ZFAT: variants seen among roughly 807,000 people sequenced by gnomAD.
ZFAT encodes the protein zinc finger protein ZFAT.
A neutral mutation model predicts 117.7 loss-of-function variants in ZFAT; 64 were observed. The observed-to-expected ratio is 0.54, with a 90% CI of 0.44 to 0.67. The LOEUF is 0.67. Among genes scored for constraint, ZFAT ranks in the 30% least tolerant of loss-of-function variants. The pLI, the probability that ZFAT is intolerant of heterozygous loss-of-function variation, is 0.00. For synonymous variants in ZFAT, 679 were observed against 615.0 expected (o/e 1.10, Z -1.54); for missense variants, 1,433 against 1,584.5 (o/e 0.90, Z 1.62).
chr8:134,791,772 T>G, the ZFAT span, among the ~76,000 whole-genome samples: 1 of 151,782 alleles, frequency 6.6e-6, no homozygotes, highest in Non-Finnish European at 1.5e-5. Flanking sequence ...GCAAAAAAAC[T>G]ATGTTTCTCA....
chr8:134,799,673 C>T, the ZFAT span, among the ~76,000 whole-genome samples: 170 of 152,214 alleles, frequency 1.1e-3, no homozygotes, highest in African/African-American at 3.8e-3. Context: ...AGTAACATAG[C>T]GAAGTAACTC....
chr8:134,785,377 A>C, the ZFAT span: 1 of 152,140 alleles, frequency 6.6e-6, no homozygotes, highest in Non-Finnish European at 1.5e-5. Context: ...TAATATAGTC[A>C]GATGTGTGAC....
At chr8:134,583,327 A>G (rs945277431) in intron 10 of ZFAT, among the ~76,000 whole-genome samples, 6 of 152,220 alleles carry the variant, frequency 3.9e-5, no homozygotes, top group African/African-American at 1.4e-4. Context: ...TAATGAATGA[A>G]TGAAATTAGA....
chr8:134,583,511 C>T (rs1825855270), intron 10 of ZFAT, among the ~76,000 whole-genome samples: 1 of 152,096 alleles, frequency 6.6e-6, no homozygotes, highest in African/African-American at 2.4e-5. Context: ...TGATGGAGGG[C>T]TAAAAAGGAT....
upstream of ZFAT, among the ~76,000 whole-genome samples, chr8:134,713,667 G>T (rs1454637341): frequency 6.6e-6 from 1 of 152,092 alleles, no homozygotes; most frequent in African/African-American, 2.4e-5. Flanking sequence ...CTCTGCTTGT[G>T]GCACAGCCTT....
At chr8:134,619,407 C>T (rs888261099) in intron 3 of ZFAT, among the ~76,000 whole-genome samples, 1 of 152,126 alleles carries the variant, frequency 6.6e-6, no homozygotes, top group African/African-American at 2.4e-5. Context: ...GGACCACCAG[C>T]AACTGTGGTC....
chr8:134,511,603 C>T (rs892761412), intron 14 of ZFAT, among the ~76,000 whole-genome samples: 9 of 152,188 alleles, frequency 5.9e-5, no homozygotes, highest in African/African-American at 1.9e-4. Flanking sequence ...TTCCTATCAC[C>T]GTTTCATTTC....
intron 1 of ZFAT, among the ~76,000 whole-genome samples, chr8:134,681,582 AT>A (rs1396137172): frequency 6.6e-6 from 1 of 152,222 alleles, no homozygotes; most frequent in Non-Finnish European, 1.5e-5. Flanking sequence ...AAAGCTCTAG[AT>A]TAAACATCTC....
At chr8:134,763,757 G>A in the ZFAT span, among the ~76,000 whole-genome samples, 1 of 152,120 alleles carries the variant, frequency 6.6e-6, no homozygotes, top group Admixed American at 6.5e-5. Context: ...GCAACTATCC[G>A]AGTCAGGTAT....
chr8:134,541,939 C>A (rs1049521214), intron 11 of ZFAT, among the ~76,000 whole-genome samples: 1 of 152,212 alleles, frequency 6.6e-6, no homozygotes, highest in African/African-American at 2.4e-5. Flanking sequence ...ATCCTTTTAC[C>A]TCATTCACCA....
At chr8:134,766,662 C>G in the ZFAT span, 2 of 152,204 alleles carry the variant, frequency 1.3e-5, no homozygotes, top group Non-Finnish European at 2.9e-5. Context: ...TGTACAACTA[C>G]TTTTATAGAA....
rs1472760798 is a variant in ZFAT, at chr8:134,512,612, A to G, written c.3235-11T>C. The G allele has an allele frequency of 3.7e-6, 6 of 1,612,040 alleles. No individual in the cohort carries two copies. The South Asian group carries it at 6.6e-5, about 18-fold the overall frequency. ...AGCTTCTGTTGCTGTCTAAATAAAA[A>G]CATAGTACCTAAGTCATCTCCTAAA... On this transcript the variant is annotated splice_polypyrimidine_tract_variant and intron_variant, in intron 13 of 15. Coordinates refer to ENST00000377838, the MANE Select transcript of ZFAT (RefSeq NM_020863.4).
At chr8:134,531,456 G>A (rs953145706) in intron 12 of ZFAT, among the ~76,000 whole-genome samples, 28 of 152,118 alleles carry the variant, frequency 1.8e-4, no homozygotes, top group African/African-American at 6.5e-4. Context: ...TAGATGTTCC[G>A]AAAAAAATAT....
intron 13 of ZFAT, among the ~76,000 whole-genome samples, chr8:134,515,267 T>C (rs868773203): frequency 6.6e-6 from 1 of 152,250 alleles, no homozygotes; most frequent in Non-Finnish European, 1.5e-5. Flanking sequence ...GCAATAAACA[T>C]ACGTGTGTGC....
intron 15 of ZFAT, among the ~76,000 whole-genome samples, chr8:134,503,683 C>T (rs751216230): frequency 5.3e-5 from 8 of 152,174 alleles, no homozygotes; most frequent in Non-Finnish European, 1.2e-4. Flanking sequence ...AGGTGACCCT[C>T]CCCTTTTGAA....
At chr8:134,759,555 T>C in the ZFAT span, among the ~76,000 whole-genome samples, 1 of 151,680 alleles carries the variant, frequency 6.6e-6, no homozygotes, top group African/African-American at 2.4e-5. Flanking sequence ...TGAAAGAGAG[T>C]TGTGGTTTAG....
At chr8:134,696,848 T>C (rs1394973261) in intron 1 of ZFAT, among the ~76,000 whole-genome samples, 4 of 152,170 alleles carry the variant, frequency 2.6e-5, no homozygotes, top group Non-Finnish European at 5.9e-5. Context: ...CTAGAAAAAC[T>C]TGGACTCTAC....
rs151269542 is a variant in ZFAT at position 134,569,225 on chromosome 8, C to G, written c.2888-3804G>C. On this transcript the variant is annotated intron_variant, in intron 10 of 15. Transcript: ENST00000377838. ...CCTTTCATGGATGAGGACCTGGTATCAAGACTCTGAGTACTTGCCAGATCA... is the reference window on the plus strand; with the variant it reads ...CCTTTCATGGATGAGGACCTGGTATGAAGACTCTGAGTACTTGCCAGATCA... Among the ~76,000 whole-genome samples, 325 of 152,174 alleles carry G rather than the reference C, an allele frequency of 2.1e-3. 1 individual carries two copies. Among genetic ancestry groups the G allele is most frequent in the Middle Eastern group, 6.8e-3 (2 of 294 alleles).
chr8:134,502,060 C>T (rs1381451576), intron 15 of ZFAT, among the ~76,000 whole-genome samples: 1 of 152,200 alleles, frequency 6.6e-6, no homozygotes, highest in Non-Finnish European at 1.5e-5. Context: ...GAATAGAGCG[C>T]TTGTTTTTAA....
Sources: gnomAD v4.1 joint callset for allele counts (sites outside exome capture counted in the v4.1 genomes callset) on GRCh38, gnomAD v4.1.1 for gene constraint, MANE v1.5 for transcripts, NCBI Gene and HGNC (gene_info 2026-07-23, HGNC 2026-07-21) for gene names.